The following RBBP6 variants were observed in gnomAD, a reference collection of about 807,000 sequenced individuals.
RBBP6 encodes RB binding protein 6, ubiquitin ligase.
RBBP6 carries 25 observed loss-of-function variants against 167.7 expected under a neutral mutation model. The observed-to-expected ratio is 0.15, with a 90% CI of 0.11 to 0.21. The LOEUF is 0.21. RBBP6 is among the 10% of genes least tolerant of loss of function. RBBP6 has a pLI of 1.00. For missense variants in RBBP6, 1,868 were observed against 2,134.2 expected (o/e 0.88, Z 2.46); for synonymous variants, 789 against 735.8 (o/e 1.07, Z -1.17).
In RBBP6 at chr16:24,563,299, A is replaced by G. The variant is rs374845388; in HGVS notation, c.1386+4A>G. ...TACCGCTCTTATGGAAGAGAAGGTA[A>G]ATTTTACTGGTGCTTTAATTTGGGA... On this transcript the variant is annotated splice_donor_region_variant and intron_variant, in intron 11 of 17. Transcript: ENST00000319715. 3.7e-6 allele frequency: 6 copies of G among 1,604,834 alleles called. No individual in the cohort carries two copies. In the African/African-American group the frequency reaches 8.1e-5, roughly 22 times the overall value.
chr16:24,568,960 G>A lies in RBBP6; in HGVS notation c.2270G>A (p.Arg757Lys). ...RSRSHGYHRSRSRSPPYRRYH... is the reference protein window; with the variant it reads ...RSRSHGYHRSKSRSPPYRRYH... ...AGATCTCATGGATATCATCGATCTA[G>A]GTCAAGGTCACCCCCTTACAGACGC... The change falls in exon 17 of 18, where the codon AGG (arginine) becomes AAG (lysine). Residue 757 changes from arginine (R) to lysine (K), a missense_variant. Around this residue, in one of 7 missense-constraint regions of RBBP6, gnomAD observed 673 missense variants for 691.5 expected, o/e 0.97. Transcript: ENST00000319715. 2 of 1,614,186 alleles carry A rather than the reference G, an allele frequency of 1.2e-6. No homozygotes were observed. The highest frequency in any genetic ancestry group is 1.7e-6 in the Non-Finnish European group (2 of 1,180,024).
At chr16:24,562,702 G>A (rs1292644401) in intron 10 of RBBP6, among the ~76,000 whole-genome samples, 13 of 144,802 alleles carry the variant, frequency 9.0e-5, no homozygotes, top group Middle Eastern at 3.6e-3. Context: ...AAAAAAAAAA[G>A]GTGTAAGAGG....
Position 24,569,783 on chromosome 16 carries a change from A to T in RBBP6, c.3093A>T (p.Lys1031Asn). 6.2e-7 allele frequency: 1 copy of T among 1,613,724 alleles called. No individual in the cohort carries two copies. The highest frequency in any genetic ancestry group is 8.5e-7 in the Non-Finnish European group (1 of 1,179,944). The part of the protein sequence containing the change: ...RKNDGSAVSK[K>N]ENIVKPAKGP... ...ATGATGGATCTGCTGTGTCCAAAAA[A>T]GAAAATATTGTAAAACCTGCTAAAG... The change falls in exon 17 of 18, where the codon AAA (lysine) becomes AAT (asparagine). Residue 1031 changes from lysine to asparagine, a missense_variant. This residue lies in a region of RBBP6 where 673 missense variants were observed against 691.5 expected (regional missense o/e 0.97). Coordinates refer to ENST00000319715, the MANE Select transcript of RBBP6 (RefSeq NM_006910.5).
In RBBP6 at chr16:24,540,652, C is replaced by A; in HGVS notation, c.26C>A (p.Ser9Tyr). Residue 9 changes from serine (S) to tyrosine (Y), a missense_variant, in exon 1 of 18, where the codon TCC becomes TAC. Ser to Tyr is a moderately radical substitution (Grantham distance 144). Coordinates refer to ENST00000319715, the MANE Select transcript of RBBP6 (RefSeq NM_006910.5). The stretch of plus-strand genomic sequence containing the variant: ...ATGTCCTGTGTGCATTATAAATTTT[C>A]CTCTAAACTCAACTATGATACCGTC... MSCVHYKFSSKLNYDTVTF... is the reference protein window; with the variant it reads MSCVHYKFYSKLNYDTVTF... 1.2e-6 allele frequency: 2 copies of A among 1,613,956 alleles called. No individual in the cohort carries two copies. The highest frequency in any genetic ancestry group is 1.7e-6 in the Non-Finnish European group (2 of 1,179,914).
chr16:24,557,955 A>G (rs1001213974), intron 7 of RBBP6, among the ~76,000 whole-genome samples: 5 of 151,986 alleles, frequency 3.3e-5, no homozygotes, highest in Non-Finnish European at 5.9e-5. Flanking sequence ...CCTCAACTTC[A>G]CCCCCATCTA....
intron 11 of RBBP6, 53 bp from the exon 12 acceptor site, chr16:24,563,370 C>CTTTTTTTTTTTTTTTTTTTATTTT: frequency 2.3e-6 from 3 of 1,308,074 alleles, no homozygotes; most frequent in Non-Finnish European, 3.1e-6. Context: ...GTTCTTACCT[C>CTTTTTTTTTTTTTTTTTTTATTTT]TTTTTTTTTT....
At chr16:24,549,149 C>A in intron 3 of RBBP6, 168 bp downstream of exon 3, 1 of 1,453,404 alleles carries the variant, frequency 6.9e-7, no homozygotes. Flanking sequence ...TATGTGGCAT[C>A]ACTTGCACAC....
Position 24,569,399 on chromosome 16 carries a change from A to C in RBBP6, c.2709A>C (p.Ser903=). 1 of 1,614,192 alleles carries C rather than the reference A, an allele frequency of 6.2e-7. No individual in the cohort carries two copies. Among genetic ancestry groups the C allele is most frequent in the Non-Finnish European group, 8.5e-7 (1 of 1,180,036 alleles). Residue 903 remains serine (S), a synonymous_variant, in exon 17 of 18, where the codon TCA becomes TCC. Coordinates refer to ENST00000319715, the MANE Select transcript of RBBP6 (RefSeq NM_006910.5). ...GTAGCAACTATCCAGAAAAGCTTTC[A>C]GCAAGAGATGGTCACAATCAGAAGG... is the stretch of plus-strand genomic sequence containing the variant. ...NIGSNYPEKL[S]ARDGHNQKDN...
chr16:24,540,663 A>G lies in RBBP6; in HGVS notation c.37A>G (p.Asn13Asp). 1 of 1,614,118 alleles carries G rather than the reference A, an allele frequency of 6.2e-7. No individual in the cohort carries two copies. Among genetic ancestry groups the G allele is most frequent in the Middle Eastern group, 1.6e-4 (1 of 6,062 alleles). ...GCATTATAAATTTTCCTCTAAACTCAACTATGATACCGTCACCTTTGATGG... is the reference window on the plus strand; with the variant it reads ...GCATTATAAATTTTCCTCTAAACTCGACTATGATACCGTCACCTTTGATGG... Reference protein sequence around the residue: ...CVHYKFSSKLNYDTVTFDGLH... With the variant: ...CVHYKFSSKLDYDTVTFDGLH... Residue 13 changes from asparagine to aspartate, a missense_variant, in exon 1 of 18, where the codon AAC becomes GAC. Asn to Asp is a conservative substitution (Grantham distance 23). Transcript: ENST00000319715.
At chr16:24,560,611 A>G (rs531028281) in intron 8 of RBBP6, among the ~76,000 whole-genome samples, 34 of 152,338 alleles carry the variant, frequency 2.2e-4, no homozygotes, top group Admixed American at 4.6e-4. Flanking sequence ...GTCCTCATAC[A>G]CATGGTTCTG....
chr16:24,541,023 G>C (rs1463198820), intron 1 of RBBP6, among the ~76,000 whole-genome samples: 1 of 151,962 alleles, frequency 6.6e-6, no homozygotes. Context: ...CCCAAAACGT[G>C]GAAGCCTGAT....
At chr16:24,547,630 A>AT (rs1567271548) in intron 2 of RBBP6, among the ~76,000 whole-genome samples, 1 of 151,978 alleles carries the variant, frequency 6.6e-6, no homozygotes, top group Non-Finnish European at 1.5e-5. Context: ...CAATTTTTGG[A>AT]TTTTTAGTAG....
At chr16:24,568,702 A>G (rs369726020) in intron 16 of RBBP6, 43 bp from the exon 17 acceptor site, 39 of 1,553,476 alleles carry the variant, frequency 2.5e-5, no homozygotes, top group African/African-American at 1.1e-4. Flanking sequence ...TTTATTTTGT[A>G]TGTATTTCTC....
At position 24,561,970 on chromosome 16, in the gene RBBP6, A is replaced by G. The variant is rs758065776; in HGVS notation, c.1098A>G (p.Gln366=). ...TGAGATCTCCGATATCAAGACAACAAGATCCTCTTATGATTCCAGTGACAT... is the reference window on the plus strand; with the variant it reads ...TGAGATCTCCGATATCAAGACAACAGGATCCTCTTATGATTCCAGTGACAT... ...PLMRSPISRQ[Q]DPLMIPVTSS... is the part of the protein sequence containing the mutation. Residue 366 remains glutamine (Q), a synonymous_variant, in exon 10 of 18, where the codon CAA becomes CAG. Transcript: ENST00000319715. 6 of 1,613,506 alleles carry G rather than the reference A, an allele frequency of 3.7e-6. No individual in the cohort carries two copies. The highest frequency in any genetic ancestry group is 2.7e-5 in the African/African-American group (2 of 74,802).
intron 1 of RBBP6, among the ~76,000 whole-genome samples, chr16:24,543,114 G>A (rs1898545579): frequency 6.6e-6 from 1 of 152,020 alleles, no homozygotes; most frequent in African/African-American, 2.4e-5. Flanking sequence ...AATGCCATTT[G>A]GTTTTAGCAC....
intron 7 of RBBP6, chr16:24,558,344 C>T (rs1211410000): frequency 2.4e-6 from 1 of 419,140 alleles, no homozygotes; most frequent in Non-Finnish European, 3.2e-6. Context: ...TCAGACTCTT[C>T]TTCTGTTTCT....
chr16:24,553,696 G>GGAT, intron 4 of RBBP6, 139 bp downstream of exon 4: 1 of 493,090 alleles, frequency 2.0e-6, no homozygotes, highest in Non-Finnish European at 3.5e-6. Flanking sequence ...ATCCTGTAAA[G>GGAT]AGTAGTTGCT....
rs1325211853 is a variant in RBBP6 at position 24,560,996 on chromosome 16, A to T, written c.848-616A>T. 2.0e-5 allele frequency among the ~76,000 whole-genome samples: 3 copies of T among 152,080 alleles called. No homozygotes were observed. The South Asian group carries it at 6.2e-4, about 31-fold the overall frequency. Reference sequence around the variant, plus strand: ...TTTCAGATTATATCTTAGATTTAACATACCACTTGGTATTACTGGAGTTTT... The same window carrying T: ...TTTCAGATTATATCTTAGATTTAACTTACCACTTGGTATTACTGGAGTTTT... On this transcript the variant is annotated intron_variant, in intron 8 of 17. Transcript: ENST00000319715.
rs766796429 is a variant in RBBP6, at chr16:24,572,244, CAAG to C, written c.5190_5192del (p.Lys1733del). ...CCAGCTCAGCAGAAAGTCAGGACAG[CAAG>C]AAGAAGAAGAAAAAGAAGGAAAAGA... On this transcript the variant is annotated inframe_deletion, in exon 18 of 18. Coordinates refer to ENST00000319715, the MANE Select transcript of RBBP6 (RefSeq NM_006910.5). The C allele has an allele frequency of 5.0e-5, 81 of 1,610,584 alleles. No homozygotes were observed. The highest frequency in any genetic ancestry group is 3.2e-4 in the South Asian group (29 of 90,640).
Sources: gnomAD v4.1 joint callset for allele counts (sites outside exome capture counted in the v4.1 genomes callset) on GRCh38, gnomAD v4.1.1 for gene constraint, gnomAD v4.1.1 regional missense constraint, MANE v1.5 for transcripts, NCBI Gene and HGNC (gene_info 2026-07-23, HGNC 2026-07-21) for gene names.